ULK4: variants seen among roughly 807,000 people sequenced by gnomAD.
The protein encoded by ULK4 is unc-51 like kinase 4.
ULK4 carries 133 observed loss-of-function variants against 160.6 expected under a neutral mutation model. That is an observed-to-expected ratio of 0.83 (90% CI 0.72 to 0.96). The LOEUF (loss-of-function observed/expected upper bound fraction) is 0.96. Ranked by LOEUF, ULK4 falls within the 40% of genes least tolerant of loss-of-function variation. The pLI is 0.00. For synonymous variants in ULK4, 534 were observed against 539.8 expected, an observed-to-expected ratio of 0.99 and a Z score of 0.15; for missense variants, 1,580 against 1,499.5, an observed-to-expected ratio of 1.05 and a Z score of -0.89.
intron 17 of ULK4, among the ~76,000 whole-genome samples, chr3:41,880,512 T>G (rs2125700453): frequency 6.6e-6 from 1 of 152,348 alleles, no homozygotes; most frequent in South Asian, 2.1e-4. Flanking sequence ...TCTTCTGACA[T>G]TCTTTTAATC....
At chr3:41,295,459 G>T (rs530126670) in intron 35 of ULK4, among the ~76,000 whole-genome samples, 3 of 133,772 alleles carry the variant, frequency 2.2e-5, no homozygotes, top group South Asian at 2.5e-4. Flanking sequence ...ATCCATGAAA[G>T]AAATAACTGA....
intron 7 of ULK4, 68 bp downstream of exon 7, chr3:41,918,389 T>C (rs1699046576): frequency 1.1e-5 from 11 of 1,028,606 alleles, no homozygotes; most frequent in Middle Eastern, 6.2e-4. Flanking sequence ...AAAGCAAACG[T>C]TGGATAAAGG....
chr3:41,773,475 C>T (rs1194817155), intron 21 of ULK4, among the ~76,000 whole-genome samples: 1 of 152,108 alleles, frequency 6.6e-6, no homozygotes, highest in Non-Finnish European at 1.5e-5. Context: ...TTCACAATTG[C>T]TTCAAAGAGA....
chr3:41,463,476 A>G (rs1330669402), intron 32 of ULK4, among the ~76,000 whole-genome samples: 1 of 152,174 alleles, frequency 6.6e-6, no homozygotes, highest in African/African-American at 2.4e-5. Flanking sequence ...AAGTTCCCCA[A>G]GTGATTTTGA....
intron 32 of ULK4, among the ~76,000 whole-genome samples, chr3:41,492,921 C>A (rs2084841186): frequency 6.9e-6 from 1 of 145,040 alleles, no homozygotes; most frequent in African/African-American, 2.6e-5. Flanking sequence ...CACCCAGATT[C>A]ATAAAGCAAG....
intron 22 of ULK4, among the ~76,000 whole-genome samples, chr3:41,750,142 C>T (rs1416383825): frequency 3.9e-5 from 6 of 152,142 alleles, no homozygotes; most frequent in East Asian, 1.9e-4. Flanking sequence ...TCCAGTTATA[C>T]GAAGCCCAGA....
chr3:41,730,036 T>C (rs534065482), intron 22 of ULK4, among the ~76,000 whole-genome samples: 4 of 152,214 alleles, frequency 2.6e-5, no homozygotes, highest in Admixed American at 6.5e-5. Flanking sequence ...TTAAACAATA[T>C]ACTTTTGAAC....
At chr3:41,688,707 G>A (rs971486497) in intron 27 of ULK4, among the ~76,000 whole-genome samples, 3 of 152,134 alleles carry the variant, frequency 2.0e-5, no homozygotes, top group Middle Eastern at 3.2e-3. Context: ...GTGCTATTAA[G>A]CAATTTAGTG....
At chr3:41,609,912 T>G (rs2125675243) in intron 31 of ULK4, among the ~76,000 whole-genome samples, 1 of 151,572 alleles carries the variant, frequency 6.6e-6, no homozygotes, top group African/African-American at 2.4e-5. Context: ...AGTTTGAGGC[T>G]GCAATAAGCT....
intron 30 of ULK4, among the ~76,000 whole-genome samples, chr3:41,656,801 T>A (rs2034950269): frequency 6.6e-6 from 1 of 152,212 alleles, no homozygotes; most frequent in East Asian, 1.9e-4. Context: ...ACAACAATTC[T>A]TAGATACAGA....
At chr3:41,363,934 T>G (rs1276015605) in intron 35 of ULK4, among the ~76,000 whole-genome samples, 1 of 150,370 alleles carries the variant, frequency 6.7e-6, no homozygotes, top group African/African-American at 2.4e-5. Context: ...TTCTCTCTCT[T>G]TTTTTTTTTC....
At chr3:41,872,852 A>G (rs532186042) in intron 17 of ULK4, among the ~76,000 whole-genome samples, 1 of 152,244 alleles carries the variant, frequency 6.6e-6, no homozygotes, top group South Asian at 2.1e-4. Context: ...CTAGAGCTGA[A>G]GATAAAAATC....
chr3:41,912,980 T>C (rs935282009), intron 8 of ULK4, 81 bp from the exon 9 acceptor site: 189 of 1,213,842 alleles, frequency 1.6e-4, no homozygotes, highest in African/African-American at 3.0e-4. Context: ...CAATTACACA[T>C]AGCAGATTTT....
intron 1 of ULK4, among the ~76,000 whole-genome samples, chr3:41,957,443 C>G (rs1408101137): frequency 1.0e-4 from 8 of 77,830 alleles, no homozygotes; most frequent in Non-Finnish European, 2.6e-4. Flanking sequence ...AGACAGAGCA[C>G]CACTCAAAAA....
intron 18 of ULK4, among the ~76,000 whole-genome samples, chr3:41,826,577 G>T (rs2041363386): frequency 6.9e-6 from 1 of 145,948 alleles, no homozygotes; most frequent in South Asian, 2.2e-4. Context: ...ATTATATACT[G>T]GTAAAGGGAT....
At chr3:41,740,314 T>C (rs1379046190) in intron 22 of ULK4, among the ~76,000 whole-genome samples, 1 of 151,696 alleles carries the variant, frequency 6.6e-6, no homozygotes, top group African/African-American at 2.4e-5. Context: ...TTATTAACAA[T>C]ACTATGGGGA....
chr3:41,842,076 C>A (rs928722306), intron 17 of ULK4, among the ~76,000 whole-genome samples: 1 of 149,866 alleles, frequency 6.7e-6, no homozygotes, highest in Non-Finnish European at 1.5e-5. Context: ...CTTCTCTCCA[C>A]TATTATCCTA....
At chr3:41,832,556 T>C (rs1398600164) in intron 18 of ULK4, among the ~76,000 whole-genome samples, 1 of 152,260 alleles carries the variant, frequency 6.6e-6, no homozygotes, top group Non-Finnish European at 1.5e-5. Flanking sequence ...AGATCCCATT[T>C]GTCAATTTTG....
intron 32 of ULK4, among the ~76,000 whole-genome samples, chr3:41,547,111 T>C (rs2086890758): frequency 6.6e-6 from 1 of 152,124 alleles, no homozygotes; most frequent in African/African-American, 2.4e-5. Flanking sequence ...ATGCATACCT[T>C]CTCAGGAGCA....
Sources: gnomAD v4.1 joint callset for allele counts (sites outside exome capture counted in the v4.1 genomes callset) on GRCh38, gnomAD v4.1.1 for gene constraint, MANE v1.5 for transcripts, NCBI Gene and HGNC (gene_info 2026-07-23, HGNC 2026-07-21) for gene names.